Variants in ITPK1 observed in about 807,000 individuals in gnomAD.
The protein encoded by ITPK1 is inositol-tetrakisphosphate 1-kinase, also known as inositol 1,3,4-trisphosphate 5/6-kinase.
In ITPK1, 21 loss-of-function variants were observed where a neutral mutation model predicts 45.3. The ratio of observed to expected loss-of-function variants is 0.46; its 90% CI spans 0.33 to 0.67. The LOEUF (loss-of-function observed/expected upper bound fraction) is 0.67. Ranked by LOEUF, ITPK1 falls within the 30% of genes least tolerant of loss-of-function variation. ITPK1 has a pLI of 0.02. For synonymous variants in ITPK1, 258 were observed against 253.6 expected (o/e 1.02, Z -0.16); for missense variants, 474 against 573.5 (o/e 0.83, Z 1.77).
rs980368361 is a variant in ITPK1, at chr14:92,985,050, C to T, written c.364+8830G>A. 5.9e-5 allele frequency among the ~76,000 whole-genome samples: 9 copies of T among 152,246 alleles called. 1 individual carries two copies. In the Middle Eastern group the frequency reaches 0.01, roughly 173 times the overall value. On this transcript the variant is annotated intron_variant, in intron 5 of 10. Coordinates refer to ENST00000267615, the MANE Select transcript of ITPK1 (RefSeq NM_014216.6). The stretch of plus-strand genomic sequence containing the variant: ...TGTCCTCATGCACCTCCTGATATGA[C>T]GCACTAGGGAGGGACTGGCACTGCT...
At chr14:93,109,133 A>G (rs1366090029) in intron 2 of ITPK1, among the ~76,000 whole-genome samples, 2 of 152,250 alleles carry the variant, frequency 1.3e-5, no homozygotes, top group African/African-American at 4.8e-5. Flanking sequence ...CCATACCAGC[A>G]GAAACCAACA....
rs566599255 is a variant in ITPK1, at chr14:93,102,444, T to C, written c.95+12625A>G. 2.0e-5 allele frequency among the ~76,000 whole-genome samples: 3 copies of C among 152,342 alleles called. No individual in the cohort carries two copies. In the East Asian group the frequency reaches 5.8e-4, roughly 29 times the overall value. On this transcript the variant is annotated intron_variant, in intron 2 of 10. Transcript: ENST00000267615. ...CCATAATTCCTTTTCTTTTCAAGGA[T>C]CCCATGACGAATGTTAGGACTTTAA...
At chr14:93,109,222 A>G (rs1266205338) in intron 2 of ITPK1, among the ~76,000 whole-genome samples, 9 of 152,162 alleles carry the variant, frequency 5.9e-5, no homozygotes, top group Non-Finnish European at 1.0e-4. Flanking sequence ...ATGATACAAA[A>G]CTTTCTCCAA....
rs148893746 is a variant in ITPK1, at chr14:93,025,004, C to T, written c.121-8203G>A. ...GGCAGGGAAGCACCCACAAGCACAG[C>T]GTCAACAACCCAGACTTGCCCCAGT... On this transcript the variant is annotated intron_variant, in intron 3 of 10. Transcript: ENST00000267615. Among the ~76,000 whole-genome samples, 260 of 152,242 alleles carry T rather than the reference C, an allele frequency of 1.7e-3. 2 individuals are homozygous for T. Among genetic ancestry groups the T allele is most frequent in the Non-Finnish European group, 2.9e-3 (196 of 68,014 alleles).
At chr14:93,025,567 G>A (rs903622443) in intron 3 of ITPK1, among the ~76,000 whole-genome samples, 9 of 152,294 alleles carry the variant, frequency 5.9e-5, no homozygotes, top group Middle Eastern at 6.8e-3. Flanking sequence ...GAGCACTCCA[G>A]TGTCTCAACA....
intron 2 of ITPK1, among the ~76,000 whole-genome samples, chr14:93,090,860 G>A (rs142983589): frequency 1.3e-5 from 2 of 152,160 alleles, no homozygotes; most frequent in Non-Finnish European, 2.9e-5. Flanking sequence ...AAATCGAAAC[G>A]CTACACTCCA....
At chr14:92,991,948 C>G (rs968272069) in intron 5 of ITPK1, among the ~76,000 whole-genome samples, 1 of 152,166 alleles carries the variant, frequency 6.6e-6, no homozygotes, top group African/African-American at 2.4e-5. Context: ...GTATCCTGAC[C>G]CCTGACCCCG....
chr14:92,977,726 C>A (rs758261787), intron 5 of ITPK1, among the ~76,000 whole-genome samples: 25 of 151,836 alleles, frequency 1.6e-4, no homozygotes, highest in Non-Finnish European at 3.2e-4. Flanking sequence ...CACCTTCCAC[C>A]ATCATTGTAA....
At chr14:92,955,315 C>T (rs1259083061) in intron 8 of ITPK1, among the ~76,000 whole-genome samples, 1 of 152,224 alleles carries the variant, frequency 6.6e-6, no homozygotes. Flanking sequence ...TGCTGCCTCC[C>T]GCTCTACATG....
intron 2 of ITPK1, among the ~76,000 whole-genome samples, chr14:93,094,314 T>C (rs759556038): frequency 6.6e-6 from 1 of 152,188 alleles, no homozygotes; most frequent in Non-Finnish European, 1.5e-5. Flanking sequence ...TCACCGTCGG[T>C]ATGGGCTTTT....
At chr14:92,945,323 C>T (rs368731468) in intron 10 of ITPK1, among the ~76,000 whole-genome samples, 6 of 152,244 alleles carry the variant, frequency 3.9e-5, no homozygotes, top group Non-Finnish European at 5.9e-5. Flanking sequence ...CTCAGACGAG[C>T]GGAGGTGACA....
At position 92,993,956 on chromosome 14, in the gene ITPK1, C is replaced by A. The variant is rs755820884; in HGVS notation, c.288G>T (p.Pro96=). The A allele has an allele frequency of 2.5e-6, 4 of 1,613,666 alleles. No homozygotes were observed. The highest frequency in any genetic ancestry group is 3.3e-4 in the Middle Eastern group (2 of 6,084). The change falls in exon 5 of 11, where the codon CCG becomes CCT. Residue 96 remains proline (P), a synonymous_variant. Coordinates refer to ENST00000267615, the MANE Select transcript of ITPK1 (RefSeq NM_014216.6). ...DAHPETIVLD[P]LPAIRTLLDR... ...CAAGCAGGGTTCTGATGGCAGGGAGCGGGTCCAGGACGATGGTCTCAGGGT... is the reference window on the plus strand; with the variant it reads ...CAAGCAGGGTTCTGATGGCAGGGAGAGGGTCCAGGACGATGGTCTCAGGGT...
In ITPK1 at chr14:92,946,299, C is replaced by T. The variant is rs200842588; in HGVS notation, c.901+32G>A. On this transcript the variant is annotated intron_variant, in intron 10 of 10. Coordinates refer to ENST00000267615, the MANE Select transcript of ITPK1 (RefSeq NM_014216.6). Reference sequence around the variant, plus strand: ...TCACCTGAGGACAGTCTCTGGAGGCCGGTCAGTGGAGGTGGCCTGGCCGCC... The same window carrying T: ...TCACCTGAGGACAGTCTCTGGAGGCTGGTCAGTGGAGGTGGCCTGGCCGCC... The T allele has an allele frequency of 1.6e-5, 25 of 1,610,414 alleles. No individual in the cohort carries two copies. In the East Asian group the frequency reaches 1.8e-4, roughly 11 times the overall value.
intron 2 of ITPK1, among the ~76,000 whole-genome samples, chr14:93,093,029 C>T (rs1417011264): frequency 6.6e-6 from 1 of 152,218 alleles, no homozygotes; most frequent in African/African-American, 2.4e-5. Flanking sequence ...TTGGTCTTCA[C>T]AATGACGCCC....
intron 2 of ITPK1, among the ~76,000 whole-genome samples, chr14:93,091,874 C>T (rs572992203): frequency 7.2e-5 from 11 of 152,284 alleles, no homozygotes; most frequent in East Asian, 1.9e-4. Flanking sequence ...TGAGGGATGA[C>T]GGGAGGCGCC....
chr14:93,046,047 A>G (rs570823247), intron 3 of ITPK1, among the ~76,000 whole-genome samples: 1 of 152,290 alleles, frequency 6.6e-6, no homozygotes, highest in African/African-American at 2.4e-5. Context: ...AGGCACACAC[A>G]GAGTCCTTTT....
intron 5 of ITPK1, among the ~76,000 whole-genome samples, chr14:92,976,726 C>G (rs149457327): frequency 6.6e-6 from 1 of 152,260 alleles, no homozygotes; most frequent in African/African-American, 2.4e-5. Context: ...GGATCACTAT[C>G]ACCACTCCAT....
At chr14:93,038,085 C>T (rs373773679) in intron 3 of ITPK1, among the ~76,000 whole-genome samples, 16 of 151,064 alleles carry the variant, frequency 1.1e-4, no homozygotes, top group Admixed American at 5.3e-4. Context: ...TGGAGCCTTG[C>T]TCTGTTGCCC....
chr14:93,115,348 G>C (rs1156449933), intron 1 of ITPK1, 43 bp from the exon 2 acceptor site: 2 of 245,290 alleles, frequency 8.2e-6, no homozygotes, highest in East Asian at 1.5e-4. Context: ...GCGGGCGGCC[G>C]GGAGGAGGGA....
Sources: gnomAD v4.1 joint callset for allele counts (sites outside exome capture counted in the v4.1 genomes callset) on GRCh38, gnomAD v4.1.1 for gene constraint, MANE v1.5 for transcripts, NCBI Gene and HGNC (gene_info 2026-07-23, HGNC 2026-07-21) for gene names.